LRRK1: variants seen among roughly 807,000 people sequenced by gnomAD.
LRRK1 encodes the protein leucine-rich repeat serine/threonine-protein kinase 1.
In LRRK1, 113 loss-of-function variants were observed where a neutral mutation model predicts 209.1. The observed-to-expected ratio is 0.54, with a 90% CI of 0.46 to 0.63. The LOEUF (loss-of-function observed/expected upper bound fraction) is 0.63, where lower values mean the gene tolerates loss of function less well. Among genes scored for constraint, LRRK1 ranks in the 30% least tolerant of loss-of-function variants. The pLI is 0.00. For missense variants in LRRK1, 2,284 were observed against 2,632.2 expected (o/e 0.87, Z 2.89); for synonymous variants, 1,144 against 1,099.7 (o/e 1.04, Z -0.80).
rs1161293189 is a variant in LRRK1 at position 101,022,859 on chromosome 15, G to A, written c.2067+262G>A. On this transcript the variant is annotated intron_variant, in intron 15 of 33. Transcript: ENST00000388948. The surrounding 1 kb of genome is among the most constrained non-coding windows in gnomAD (Gnocchi z 4.0). ...GACAGGGTTTCACTGTGTCTCTCAG[G>A]CTGGATGCATCCTCAACCTCCCCAG... Among the ~76,000 whole-genome samples, 6 of 151,492 alleles carry A rather than the reference G, an allele frequency of 4.0e-5. No homozygotes were observed. Among genetic ancestry groups the A allele is most frequent in the Admixed American group, 3.3e-4 (5 of 15,216 alleles).
At chr15:101,067,421 ATGTGTGTGTGTGTGTGTGTGTG>A (rs57333844) in intron 33 of LRRK1, 93 of 297,152 alleles carry the variant, frequency 3.1e-4, no homozygotes, top group Non-Finnish European at 5.2e-4. Flanking sequence ...CTCAGTTCAA[ATGTGTGTGTGTGTGTGTGTGTG>A]TGTGTGTGTG....
At chr15:100,922,934 C>T (rs763495648) in intron 1 of LRRK1, among the ~76,000 whole-genome samples, 3 of 152,188 alleles carry the variant, frequency 2.0e-5, no homozygotes, top group Non-Finnish European at 4.4e-5. Flanking sequence ...GGGCCAGGTG[C>T]CTGAGTTCTA....
intron 2 of LRRK1, among the ~76,000 whole-genome samples, chr15:100,968,353 A>C (rs2030609417): frequency 6.6e-6 from 1 of 152,232 alleles, no homozygotes; most frequent in Admixed American, 6.5e-5. Context: ...TGGTTAGATA[A>C]GAATGGAATT....
chr15:100,927,446 G>C (rs1235433078), intron 2 of LRRK1, among the ~76,000 whole-genome samples: 4 of 152,166 alleles, frequency 2.6e-5, no homozygotes, highest in Non-Finnish European at 5.9e-5. Context: ...AGGAATCCCT[G>C]CTATCCCTGT....
intron 9 of LRRK1, 32 bp downstream of exon 9, chr15:101,010,869 C>T (rs947714129): frequency 8.2e-6 from 13 of 1,593,442 alleles, no homozygotes; most frequent in Admixed American, 3.6e-5. Flanking sequence ...ATGAAAGCCA[C>T]AGTCAACTCT....
At chr15:100,950,802 A>AC (rs1397841258) in intron 2 of LRRK1, among the ~76,000 whole-genome samples, 1 of 152,196 alleles carries the variant, frequency 6.6e-6, no homozygotes, top group African/African-American at 2.4e-5. Flanking sequence ...CAAAAAAACA[A>AC]CCCAATTTAA....
At chr15:100,941,358 G>A (rs1264896111) in intron 2 of LRRK1, among the ~76,000 whole-genome samples, 2 of 141,986 alleles carry the variant, frequency 1.4e-5, no homozygotes, top group African/African-American at 5.7e-5. Flanking sequence ...TTGTGTGTGT[G>A]TGTGTGTGCC....
chr15:100,946,114 A>G (rs558348086), intron 2 of LRRK1, among the ~76,000 whole-genome samples: 2 of 152,368 alleles, frequency 1.3e-5, no homozygotes, highest in South Asian at 4.1e-4. Flanking sequence ...TAAGAAAAAT[A>G]ACATATCATC....
At chr15:100,926,136 A>T (rs2042105533) in intron 2 of LRRK1, among the ~76,000 whole-genome samples, 1 of 152,236 alleles carries the variant, frequency 6.6e-6, no homozygotes, top group Non-Finnish European at 1.5e-5. Flanking sequence ...GCTTCTTGAC[A>T]TTGCCCAGCA....
At chr15:100,983,872 C>T (rs1390178894) in intron 4 of LRRK1, 173 bp downstream of exon 4, 2 of 769,418 alleles carry the variant, frequency 2.6e-6, no homozygotes, top group African/African-American at 3.4e-5. Flanking sequence ...TTCCACCTCT[C>T]ACTCCCATGA....
At chr15:100,978,295 G>A (rs1382864290) in intron 3 of LRRK1, among the ~76,000 whole-genome samples, 4 of 152,128 alleles carry the variant, frequency 2.6e-5, no homozygotes, top group South Asian at 2.1e-4. Context: ...TCAGAATCCC[G>A]GGAGACTAGA....
chr15:101,049,642 A>G lies in LRRK1; in HGVS notation c.3300-2A>G, dbSNP rs1387486440. The G allele has an allele frequency of 1.2e-6, 2 of 1,613,350 alleles. No individual in the cohort carries two copies. The highest frequency in any genetic ancestry group is 8.5e-7 in the Non-Finnish European group (1 of 1,179,680). Reference sequence around the variant, plus strand: ...GGGCTCCTTTTGGTCTCTGGATTGCAGTGTGGAATCTTCCGACGTGAACTG... The same window carrying G: ...GGGCTCCTTTTGGTCTCTGGATTGCGGTGTGGAATCTTCCGACGTGAACTG... On this transcript the variant is annotated splice_acceptor_variant, in intron 22 of 33. Coordinates refer to ENST00000388948, the MANE Select transcript of LRRK1 (RefSeq NM_024652.6). LOFTEE classifies it high-confidence loss of function.
Position 101,027,775 on chromosome 15 carries a change from G to A in LRRK1, c.2664G>A (p.Lys888=), listed in dbSNP as rs2034109085. ...LVEQTPDNDI[K]DYEDLQSAIS... is the part of the protein sequence containing the mutation. Reference sequence around the variant, plus strand: ...AGCAGACGCCCGACAACGACATCAAGGACTACGAGGACCTGCAGTCAGGTG... The same window carrying A: ...AGCAGACGCCCGACAACGACATCAAAGACTACGAGGACCTGCAGTCAGGTG... Residue 888 remains lysine, a synonymous_variant, in exon 19 of 34, where the codon AAG becomes AAA. Coordinates refer to ENST00000388948, the MANE Select transcript of LRRK1 (RefSeq NM_024652.6). This position sits in a 1 kb window ranked among gnomAD's most constrained non-coding sequence, Gnocchi z 5.1. The A allele has an allele frequency of 1.3e-6, 2 of 1,590,780 alleles. No individual in the cohort carries two copies. The highest frequency in any genetic ancestry group is 2.7e-5 in the African/African-American group (2 of 74,594).
intron 20 of LRRK1, among the ~76,000 whole-genome samples, chr15:101,039,293 G>T (rs929040935): frequency 6.6e-6 from 1 of 151,964 alleles, no homozygotes; most frequent in African/African-American, 2.4e-5. Context: ...TCTCCACGGT[G>T]GTTTGTTTTC....
chr15:100,976,407 A>G (rs2031295002), intron 3 of LRRK1, among the ~76,000 whole-genome samples: 2 of 152,260 alleles, frequency 1.3e-5, no homozygotes, highest in African/African-American at 4.8e-5. Flanking sequence ...ATATTCAGAT[A>G]GATGGTACAC....
intron 2 of LRRK1, among the ~76,000 whole-genome samples, chr15:100,931,278 C>T (rs899442201): frequency 2.0e-5 from 3 of 152,202 alleles, no homozygotes; most frequent in African/African-American, 4.8e-5. Flanking sequence ...CATTCAACAT[C>T]CAGCACCCAG....
intron 2 of LRRK1, among the ~76,000 whole-genome samples, chr15:100,963,013 G>A (rs1285908450): frequency 6.7e-6 from 1 of 149,782 alleles, no homozygotes; most frequent in Non-Finnish European, 1.5e-5. Flanking sequence ...AGTAGAGATG[G>A]GGTTTCGCCA....
At chr15:100,965,432 T>C (rs1298924341) in intron 2 of LRRK1, among the ~76,000 whole-genome samples, 1 of 152,230 alleles carries the variant, frequency 6.6e-6, no homozygotes, top group East Asian at 1.9e-4. Context: ...CAAATGCTTC[T>C]TTATGTAGGA....
At chr15:101,037,535 G>A (rs1377217321) in intron 20 of LRRK1, among the ~76,000 whole-genome samples, 2 of 152,184 alleles carry the variant, frequency 1.3e-5, no homozygotes. Flanking sequence ...GTGATCCCCA[G>A]GCCAGCAATG....
Sources: gnomAD v4.1 joint callset for allele counts (sites outside exome capture counted in the v4.1 genomes callset) on GRCh38, gnomAD v4.1.1 for gene constraint, Gnocchi (gnomAD v3.1) non-coding constraint, MANE v1.5 for transcripts, NCBI Gene and HGNC (gene_info 2026-07-23, HGNC 2026-07-21) for gene names.